The following TRPC5 variants were observed in gnomAD, a reference collection of about 807,000 sequenced individuals.
TRPC5 encodes short transient receptor potential channel 5.
In TRPC5, 9 loss-of-function variants were observed where a neutral mutation model predicts 56.5. That is an observed-to-expected ratio of 0.16 (90% confidence interval 0.10 to 0.28). The LOEUF (loss-of-function observed/expected upper bound fraction) is 0.28. Ranked by LOEUF, TRPC5 falls within the 10% of genes least tolerant of loss-of-function variation. TRPC5 has a pLI of 1.00. For missense variants in TRPC5, 469 were observed against 748.9 expected, an observed-to-expected ratio of 0.63 and a Z score of 4.36; for synonymous variants, 282 against 278.5, an observed-to-expected ratio of 1.01 and a Z score of -0.13.
chrX:111,918,571 G>T (rs1027710059), intron 2 of TRPC5, among the ~76,000 whole-genome samples: 1 of 110,511 alleles, frequency 9.0e-6, no homozygotes, highest in African/African-American at 3.3e-5. Context: ...TTCAGGTTTT[G>T]GATAGATTCA....
chrX:111,910,393 AG>A (rs1457157361), intron 3 of TRPC5, among the ~76,000 whole-genome samples: 2 of 112,015 alleles, frequency 1.8e-5, no homozygotes, highest in Non-Finnish European at 3.8e-5. Context: ...CATCAACAGC[AG>A]GGCTGTGGGA....
chrX:111,965,477 A>C (rs909419822), intron 1 of TRPC5, among the ~76,000 whole-genome samples: 1 of 111,920 alleles, frequency 8.9e-6, no homozygotes, highest in African/African-American at 3.3e-5. Flanking sequence ...AGTGGACCTA[A>C]TAGACATCTA....
rs960927743 is a variant in TRPC5, at chrX:111,772,871, C to A, written c.*3442G>T. ...CACACGAGATTCACCCATGATGTAA[C>A]ATGAATGCCAATGGTCATTTGTATT... On this transcript the variant is annotated 3_prime_UTR_variant, in exon 11 of 11. Transcript: ENST00000262839. Among the ~76,000 whole-genome samples, 4 of 111,369 alleles carry A rather than the reference C, an allele frequency of 3.6e-5. No homozygotes were observed. The highest frequency in any genetic ancestry group is 7.5e-5 in the Non-Finnish European group (4 of 53,127).
At chrX:112,069,775 A>T (rs1457706445) in intron 1 of TRPC5, among the ~76,000 whole-genome samples, 1 of 111,534 alleles carries the variant, frequency 9.0e-6, no homozygotes, top group African/African-American at 3.3e-5. Flanking sequence ...TGGAGTCTCA[A>T]GGGAGCCAAA....
chrX:111,837,490 T>G (rs1457586836), intron 6 of TRPC5, among the ~76,000 whole-genome samples: 3 of 111,895 alleles, frequency 2.7e-5, no homozygotes, highest in Non-Finnish European at 5.6e-5. Context: ...AATGTCATTC[T>G]GAGGAACCAG....
At position 111,912,812 on chromosome X, in the gene TRPC5, C is replaced by T; in HGVS notation, c.379G>A (p.Val127Ile). ...TGCGTGTCCATCATCAGAGTGGGGA[C>T]CTAGGTACAAGAAATGAGAAGAATA... ...SYRRPSGEKQ[V>I]PTLMMDTQFS... Residue 127 changes from valine (V) to isoleucine (I), a missense_variant and splice_region_variant, in exon 3 of 11, where the codon GTC becomes ATC. Physicochemically the swap from Val to Ile is conservative, Grantham distance 29. Coordinates refer to ENST00000262839, the MANE Select transcript of TRPC5 (RefSeq NM_012471.3). 8.4e-7 allele frequency: 1 copy of T among 1,192,549 alleles called. No homozygotes were observed. Among genetic ancestry groups the T allele is most frequent in the Non-Finnish European group, 1.1e-6 (1 of 890,670 alleles).
chrX:111,919,696 G>T (rs1186777564), intron 2 of TRPC5, among the ~76,000 whole-genome samples: 2 of 112,077 alleles, frequency 1.8e-5, no homozygotes, highest in Admixed American at 1.9e-4. Flanking sequence ...ATAGGGTTTA[G>T]AACAGAGTTG....
chrX:111,984,961 G>T (rs1157434489), intron 1 of TRPC5, among the ~76,000 whole-genome samples: 1 of 112,223 alleles, frequency 8.9e-6, no homozygotes, highest in African/African-American at 3.2e-5. Flanking sequence ...GCTGCAAGAG[G>T]TTTACAGTAA....
chrX:111,903,507 G>A (rs992848485), intron 3 of TRPC5: 1 of 112,175 alleles, frequency 8.9e-6, no homozygotes, highest in African/African-American at 3.2e-5. Flanking sequence ...GCTGGTAGGC[G>A]ATTGACATAA....
At chrX:111,794,302 A>T (rs951514223) in intron 7 of TRPC5, among the ~76,000 whole-genome samples, 1 of 111,716 alleles carries the variant, frequency 9.0e-6, no homozygotes, top group African/African-American at 3.3e-5. Flanking sequence ...ATTAATCTAT[A>T]TGTCCATCTC....
intron 1 of TRPC5, among the ~76,000 whole-genome samples, chrX:112,046,528 G>A (rs1398580856): frequency 1.8e-5 from 2 of 111,026 alleles, no homozygotes; most frequent in African/African-American, 3.3e-5. Context: ...TAGAATCAGA[G>A]TATTTGTTTA....
At chrX:111,956,074 G>A (rs1490045893) in intron 1 of TRPC5, among the ~76,000 whole-genome samples, 1 of 112,575 alleles carries the variant, frequency 8.9e-6, no homozygotes, top group African/African-American at 3.2e-5. Context: ...GACATTTGTG[G>A]GCTTAAATGA....
intron 7 of TRPC5, among the ~76,000 whole-genome samples, chrX:111,834,591 G>A (rs1240513546): frequency 1.8e-5 from 2 of 111,730 alleles, no homozygotes; most frequent in Non-Finnish European, 3.8e-5. Flanking sequence ...TAACCCTGGA[G>A]ATGAGTGAGG....
intron 1 of TRPC5, among the ~76,000 whole-genome samples, chrX:112,045,653 A>G (rs868343311): frequency 8.9e-6 from 1 of 111,986 alleles, no homozygotes; most frequent in Admixed American, 9.5e-5. Context: ...AATCATTATA[A>G]CTTGATTTTG....
rs186336637 is a variant in TRPC5 at position 112,030,123 on chromosome X, C to A, written c.-22+51756G>T. Among the ~76,000 whole-genome samples, 6 of 112,686 alleles carry A rather than the reference C, an allele frequency of 5.3e-5. No individual in the cohort carries two copies. The East Asian group carries it at 1.7e-3, about 31-fold the overall frequency. On this transcript the variant is annotated intron_variant, in intron 1 of 10. Coordinates refer to ENST00000262839, the MANE Select transcript of TRPC5 (RefSeq NM_012471.3). ...TACAGGCGTGAGCCACCGCACCCAG[C>A]TGATAGCCTCATCTTTAAAAAGAGC...
rs1928241702 is a variant in TRPC5 at position 111,987,478 on chromosome X, A to G, written c.-21-35037T>C. Among the ~76,000 whole-genome samples, 4 of 111,135 alleles carry G rather than the reference A, an allele frequency of 3.6e-5. No individual in the cohort carries two copies. The Admixed American group carries it at 3.8e-4, about 11-fold the overall frequency. On this transcript the variant is annotated intron_variant, in intron 1 of 10. Transcript: ENST00000262839. ...TTAGATCTCTAGATTTATTCATCCT[A>G]TATAACCACACCTTTGTACCTTTTG... is the stretch of plus-strand genomic sequence containing the variant.
At chrX:111,812,090 G>A (rs1349877517) in intron 7 of TRPC5, among the ~76,000 whole-genome samples, 1 of 105,209 alleles carries the variant, frequency 9.5e-6, no homozygotes, top group African/African-American at 3.8e-5. Context: ...TTGGCTAGAT[G>A]TCTTGGTATC....
intron 9 of TRPC5, among the ~76,000 whole-genome samples, chrX:111,780,507 G>T (rs1945911066): frequency 9.1e-6 from 1 of 110,239 alleles, no homozygotes; most frequent in Admixed American, 9.7e-5. Flanking sequence ...ATCATCCCTT[G>T]GTATACTCTG....
At chrX:111,957,728 A>C (rs1044096613) in intron 1 of TRPC5, among the ~76,000 whole-genome samples, 4 of 112,267 alleles carry the variant, frequency 3.6e-5, no homozygotes, top group Admixed American at 1.9e-4. Flanking sequence ...CTGTGCATCT[A>C]CTATTTGTCA....
Sources: gnomAD v4.1 joint callset for allele counts (sites outside exome capture counted in the v4.1 genomes callset) on GRCh38, gnomAD v4.1.1 for gene constraint, MANE v1.5 for transcripts, NCBI Gene and HGNC (gene_info 2026-07-23, HGNC 2026-07-21) for gene names.